NRG1: variants seen among roughly 807,000 people sequenced by gnomAD.
NRG1 encodes pro-neuregulin-1, membrane-bound isoform.
A neutral mutation model predicts 63.8 loss-of-function variants in NRG1; 18 were observed. The ratio of observed to expected loss-of-function variants is 0.28; its 90% CI spans 0.19 to 0.42. NRG1 has a LOEUF of 0.42. Among genes scored for constraint, NRG1 ranks in the 10% least tolerant of loss-of-function variants. The pLI, the probability that NRG1 is intolerant of heterozygous loss-of-function variation, is 1.00. For synonymous variants in NRG1, 302 were observed against 301.3 expected (o/e 1.00, Z -0.02); for missense variants, 762 against 814.7 (o/e 0.94, Z 0.79).
chr8:32,548,754 A>G lies in NRG1; in HGVS notation c.28A>G (p.Lys10Glu), dbSNP rs145494159. The change falls in exon 1 of 12, where the codon AAA (lysine) becomes GAA (glutamate). Residue 10 changes from lysine (K) to glutamate (E), a missense_variant. Coordinates refer to ENST00000356819, the Ensembl canonical transcript of NRG1. ...GTCCGAGCGCAAAGAAGGCAGAGGC[A>G]AAGGGAAGGGCAAGAAGAAGGAGCG... is the stretch of plus-strand genomic sequence containing the variant. The G allele has an allele frequency of 4.4e-6, 7 of 1,589,920 alleles. No homozygotes were observed. In the African/African-American group the frequency reaches 9.4e-5, roughly 21 times the overall value.
At chr8:32,187,027 C>T (rs1842038176) in intron 1 of NRG1, among the ~76,000 whole-genome samples, 1 of 152,136 alleles carries the variant, frequency 6.6e-6, no homozygotes, top group South Asian at 2.1e-4. Flanking sequence ...TCCACATTGC[C>T]ATGCAGCTTT....
intron 1 of NRG1, among the ~76,000 whole-genome samples, chr8:31,993,035 T>C (rs1175290571): frequency 1.3e-5 from 2 of 152,008 alleles, no homozygotes; most frequent in South Asian, 2.1e-4. Flanking sequence ...TACAGAAGGA[T>C]TGTAAGAATT....
At chr8:32,386,688 G>C (rs1811069596) in intron 1 of NRG1, among the ~76,000 whole-genome samples, 1 of 152,186 alleles carries the variant, frequency 6.6e-6, no homozygotes, top group South Asian at 2.1e-4. Context: ...GGCAGAAACA[G>C]GACTTCTGCA....
intron 1 of NRG1, among the ~76,000 whole-genome samples, chr8:31,941,395 C>T (rs1264556255): frequency 6.6e-6 from 1 of 152,030 alleles, no homozygotes; most frequent in Non-Finnish European, 1.5e-5. Flanking sequence ...AAGGGTCATA[C>T]CTTAAGGTAA....
intron 1 of NRG1, among the ~76,000 whole-genome samples, chr8:31,821,310 C>T (rs1237019924): frequency 6.6e-6 from 1 of 152,080 alleles, no homozygotes; most frequent in East Asian, 1.9e-4. Flanking sequence ...GTTCTCAAGT[C>T]ACTAATGTTT....
At chr8:32,577,418 G>C (rs1050764934) in intron 1 of NRG1, among the ~76,000 whole-genome samples, 5 of 152,182 alleles carry the variant, frequency 3.3e-5, no homozygotes, top group Non-Finnish European at 7.3e-5. Flanking sequence ...ACCACTGACA[G>C]GTCCCTGTCC....
intron 1 of NRG1, among the ~76,000 whole-genome samples, chr8:32,135,023 G>A (rs1418737327): frequency 6.6e-6 from 1 of 152,168 alleles, no homozygotes; most frequent in East Asian, 1.9e-4. Flanking sequence ...AAATCAAGGA[G>A]TAGGGTGTGC....
intron 1 of NRG1, among the ~76,000 whole-genome samples, chr8:32,010,451 C>G (rs1046668234): frequency 6.6e-6 from 1 of 151,996 alleles, no homozygotes; most frequent in African/African-American, 2.4e-5. Flanking sequence ...CTAAAGAAAA[C>G]TACAGTATAC....
chr8:32,569,404 C>T (rs1588381196), intron 1 of NRG1, among the ~76,000 whole-genome samples: 1 of 152,146 alleles, frequency 6.6e-6, no homozygotes, highest in Non-Finnish European at 1.5e-5. Flanking sequence ...TGCATGTATA[C>T]GTACATTTCT....
At chr8:32,487,019 T>C (rs1220866829) in intron 1 of NRG1, among the ~76,000 whole-genome samples, 1 of 151,986 alleles carries the variant, frequency 6.6e-6, no homozygotes, top group Non-Finnish European at 1.5e-5. Flanking sequence ...CTGAAGTGAA[T>C]ATGAAAAATC....
chr8:32,106,222 T>C (rs1366292899), intron 1 of NRG1, among the ~76,000 whole-genome samples: 1 of 152,236 alleles, frequency 6.6e-6, no homozygotes, highest in African/African-American at 2.4e-5. Context: ...TCTTTGAATG[T>C]AGCCATTATA....
intron 1 of NRG1, among the ~76,000 whole-genome samples, chr8:32,457,258 T>C (rs1055538329): frequency 6.6e-6 from 1 of 152,234 alleles, no homozygotes; most frequent in Non-Finnish European, 1.5e-5. Context: ...GTGCCACATA[T>C]AGAACATCTA....
intron 1 of NRG1, among the ~76,000 whole-genome samples, chr8:32,204,668 T>G (rs1843836437): frequency 6.6e-6 from 1 of 152,230 alleles, no homozygotes; most frequent in African/African-American, 2.4e-5. Flanking sequence ...TTTTAAAATG[T>G]TAACTGTAGC....
At chr8:32,311,962 A>G (rs1480595735) in intron 1 of NRG1, among the ~76,000 whole-genome samples, 1 of 151,976 alleles carries the variant, frequency 6.6e-6, no homozygotes, top group Non-Finnish European at 1.5e-5. Flanking sequence ...TTTTTTCTCT[A>G]TTTCATGGAT....
chr8:32,371,499 A>G (rs1218525015), intron 1 of NRG1, among the ~76,000 whole-genome samples: 1 of 152,194 alleles, frequency 6.6e-6, no homozygotes, highest in Non-Finnish European at 1.5e-5. Context: ...CTAGCTGGGG[A>G]CACTTTATAG....
intron 1 of NRG1, among the ~76,000 whole-genome samples, chr8:31,821,952 T>A (rs1824045074): frequency 6.6e-6 from 1 of 152,214 alleles, no homozygotes. Context: ...ATTCCAAGTA[T>A]TACTGTAAAC....
intron 5 of NRG1, among the ~76,000 whole-genome samples, chr8:32,683,080 G>A (rs1794312881): frequency 6.6e-6 from 1 of 152,116 alleles, no homozygotes; most frequent in African/African-American, 2.4e-5. Flanking sequence ...CAAGAATTCT[G>A]ACTTTTTAAA....
chr8:32,029,021 G>A (rs192338697), intron 1 of NRG1, among the ~76,000 whole-genome samples: 8 of 152,260 alleles, frequency 5.3e-5, no homozygotes, highest in Admixed American at 3.9e-4. Context: ...TCTATGGGTA[G>A]TCATTTTAAC....
intron 1 of NRG1, among the ~76,000 whole-genome samples, chr8:32,060,938 A>T (rs553902448): frequency 0.021 from 3,210 of 151,830 alleles, 86 homozygotes; most frequent in African/African-American, 0.06. Context: ...ATTTTTTTTT[A>T]CTTTCAGGGA....
Sources: gnomAD v4.1 joint callset for allele counts (sites outside exome capture counted in the v4.1 genomes callset) on GRCh38, gnomAD v4.1.1 for gene constraint, MANE v1.5 for transcripts, NCBI Gene and HGNC (gene_info 2026-07-23, HGNC 2026-07-21) for gene names.